CACNA1D: variants seen among roughly 807,000 people sequenced by gnomAD.
The protein encoded by CACNA1D is calcium voltage-gated channel subunit alpha1 D.
A neutral mutation model predicts 257.1 loss-of-function variants in CACNA1D; 55 were observed. The observed-to-expected ratio is 0.21, with a 90% CI of 0.17 to 0.27. CACNA1D has a LOEUF of 0.27. Ranked by LOEUF, CACNA1D falls within the 10% of genes least tolerant of loss-of-function variation. The pLI is 1.00. For missense variants in CACNA1D, 1,876 were observed against 2,784.0 expected (o/e 0.67, Z 7.34); for synonymous variants, 980 against 1,014.9 (o/e 0.97, Z 0.65).
At position 53,697,814 on chromosome 3, in the gene CACNA1D, G is replaced by A. The variant is rs145660787; in HGVS notation, c.1221-4827G>A. ...AGTAGGAGCTACTTCTCTAGCTCCT[G>A]TATCCTTATGACATATCTCCATAAT... On this transcript the variant is annotated intron_variant, in intron 8 of 47. Coordinates refer to ENST00000350061, the MANE Select transcript of CACNA1D (RefSeq NM_001128840.3). Among the ~76,000 whole-genome samples the A allele has an allele frequency of 1.2e-4, 19 of 152,306 alleles. No homozygotes were observed. In the East Asian group the frequency reaches 3.3e-3, roughly 26 times the overall value.
intron 3 of CACNA1D, among the ~76,000 whole-genome samples, chr3:53,607,349 G>A (rs2093524753): frequency 6.6e-6 from 1 of 152,174 alleles, no homozygotes. Context: ...TTTAAGATAG[G>A]AAAATTACCC....
chr3:53,573,340 C>T (rs767368331), intron 3 of CACNA1D, among the ~76,000 whole-genome samples: 3 of 152,230 alleles, frequency 2.0e-5, no homozygotes, highest in Non-Finnish European at 2.9e-5. Flanking sequence ...CACTCCTCCA[C>T]ACTTGTCTCC....
intron 2 of CACNA1D, among the ~76,000 whole-genome samples, chr3:53,499,518 G>A (rs80121202): frequency 0.047 from 7,092 of 152,114 alleles, 229 homozygotes; most frequent in South Asian, 0.094. Context: ...AGAAGGAATT[G>A]TTAGGATCAG....
intron 27 of CACNA1D, among the ~76,000 whole-genome samples, chr3:53,750,808 A>G (rs745556973): frequency 5.3e-5 from 8 of 152,308 alleles, no homozygotes; most frequent in Middle Eastern, 3.4e-3. Flanking sequence ...GCCTGCACCC[A>G]GAGTCAAAGC....
intron 3 of CACNA1D, among the ~76,000 whole-genome samples, chr3:53,537,745 C>A (rs1250066686): frequency 1.3e-5 from 2 of 152,166 alleles, no homozygotes; most frequent in Non-Finnish European, 2.9e-5. Context: ...CCTCTGTACA[C>A]ACTCTTTTAT....
At chr3:53,533,990 T>C (rs760288186) in intron 3 of CACNA1D, among the ~76,000 whole-genome samples, 2 of 152,130 alleles carry the variant, frequency 1.3e-5, no homozygotes, top group Non-Finnish European at 2.9e-5. Context: ...AAAAGACTCA[T>C]AGTAGTGGGT....
intron 7 of CACNA1D, among the ~76,000 whole-genome samples, chr3:53,672,231 C>T (rs2094329782): frequency 6.6e-6 from 1 of 152,200 alleles, no homozygotes; most frequent in Non-Finnish European, 1.5e-5. Context: ...GAGCCAGTCT[C>T]CCAGGGGGGT....
chr3:53,739,582 A>G (rs2680651), intron 20 of CACNA1D, among the ~76,000 whole-genome samples: 133,244 of 152,192 alleles, frequency 0.88, 58,494 homozygotes, highest in East Asian at 0.99. Context: ...TCAAAGACCA[A>G]GTCAGTCTGT....
Position 53,715,636 on chromosome 3 carries a change from A to G in CACNA1D, c.1391-2665A>G, listed in dbSNP as rs533652560. ...TGCCTCATCTCATTCTTACCCTTTT[A>G]CAGGTGAGGCAATGGAGATGTACAG... On this transcript the variant is annotated intron_variant, in intron 9 of 47. Transcript: ENST00000350061. 3.3e-5 allele frequency among the ~76,000 whole-genome samples: 5 copies of G among 152,230 alleles called. No individual in the cohort carries two copies. The South Asian group carries it at 1.0e-3, about 32-fold the overall frequency.
In CACNA1D at chr3:53,800,858, C is replaced by T. The variant is rs966988168; in HGVS notation, c.5041-200C>T. 12 of 627,836 alleles carry T rather than the reference C, an allele frequency of 1.9e-5. No homozygotes were observed. The highest frequency in any genetic ancestry group is 5.5e-5 in the East Asian group (2 of 36,482). 38.9% of individuals were successfully genotyped at this position (627,836 alleles called of 1,614,324 possible). ...CAGCTTGCTCCCCAGCTCAGGAAAT[C>T]GGTAACCTTCCTCATCTCGGGGGGA... is the stretch of plus-strand genomic sequence containing the variant. On this transcript the variant is annotated intron_variant, in intron 41 of 47. Transcript: ENST00000350061. The surrounding 1 kb of genome is among the most constrained non-coding windows in gnomAD (Gnocchi z 4.3).
At chr3:53,565,091 A>G (rs770077604) in intron 3 of CACNA1D, among the ~76,000 whole-genome samples, 81 of 152,324 alleles carry the variant, frequency 5.3e-4, no homozygotes, top group Non-Finnish European at 1.0e-3. Flanking sequence ...CCCCACCTCT[A>G]TAATACATGC....
In CACNA1D at chr3:53,762,052, A is replaced by G. The variant is rs2095306086; in HGVS notation, c.3841A>G (p.Ile1281Val). Residue 1281 changes from isoleucine (I) to valine (V), a missense_variant, in exon 30 of 48, where the codon ATT becomes GTT. Around this residue, in one of 10 missense-constraint regions of CACNA1D, gnomAD observed 204 missense variants for 309.4 expected, o/e 0.66. Transcript: ENST00000350061. ...TFDSLIVIGSIIDVALSEADP... is the reference protein window; with the variant it reads ...TFDSLIVIGSVIDVALSEADP... ...TGACTCCCTCATCGTAATCGGCAGCATTATAGACGTGGCCCTCAGCGAAGC... is the reference window on the plus strand; with the variant it reads ...TGACTCCCTCATCGTAATCGGCAGCGTTATAGACGTGGCCCTCAGCGAAGC... 2 of 1,613,656 alleles carry G rather than the reference A, an allele frequency of 1.2e-6. No individual in the cohort carries two copies. Among genetic ancestry groups the G allele is most frequent in the African/African-American group, 1.3e-5 (1 of 74,930 alleles).
intron 3 of CACNA1D, among the ~76,000 whole-genome samples, chr3:53,595,694 G>A (rs764224694): frequency 2.0e-5 from 3 of 152,066 alleles, no homozygotes; most frequent in Non-Finnish European, 2.9e-5. Flanking sequence ...GACCTAACTC[G>A]GTTTGTCTAG....
At chr3:53,733,952 GTATGTA>G (rs753961129) in intron 19 of CACNA1D, among the ~76,000 whole-genome samples, 9 of 80,386 alleles carry the variant, frequency 1.1e-4, no homozygotes, top group African/African-American at 1.8e-4. Flanking sequence ...GTGTGTGTGT[GTATGTA>G]TGTATGTATG....
chr3:53,751,667 C>T lies in CACNA1D; in HGVS notation c.3517-82C>T. 1 of 1,422,812 alleles carries T rather than the reference C, an allele frequency of 7.0e-7. No homozygotes were observed. The highest frequency in any genetic ancestry group is 9.9e-7 in the Non-Finnish European group (1 of 1,007,134). The allele number at this position is 1,422,812 out of a possible 1,614,324, so 88.1% of individuals were successfully genotyped here. ...CCCTTCCCGGGAGCTGTAGGGTGAGCTCTTTCAGAGCAGATGACCACGGGG... is the reference window on the plus strand; with the variant it reads ...CCCTTCCCGGGAGCTGTAGGGTGAGTTCTTTCAGAGCAGATGACCACGGGG... On this transcript the variant is annotated intron_variant, in intron 27 of 47. Coordinates refer to ENST00000350061, the MANE Select transcript of CACNA1D (RefSeq NM_001128840.3). The surrounding 1 kb of genome is among the most constrained non-coding windows in gnomAD (Gnocchi z 4.3).
At chr3:53,555,994 A>G (rs192013775) in intron 3 of CACNA1D, among the ~76,000 whole-genome samples, 1 of 152,226 alleles carries the variant, frequency 6.6e-6, no homozygotes, top group African/African-American at 2.4e-5. Context: ...CCTTTACCCC[A>G]GCCCATGGCA....
intron 5 of CACNA1D, among the ~76,000 whole-genome samples, chr3:53,662,093 G>A (rs1354336743): frequency 1.3e-5 from 2 of 152,224 alleles, no homozygotes; most frequent in African/African-American, 4.8e-5. Flanking sequence ...AGTACTTGAA[G>A]TTGTTAAAAA....
chr3:53,629,243 G>A (rs866234410), intron 3 of CACNA1D, among the ~76,000 whole-genome samples: 4 of 152,246 alleles, frequency 2.6e-5, no homozygotes, highest in Non-Finnish European at 4.4e-5. Flanking sequence ...AGTTGTCACC[G>A]ATGGTTGAAT....
At chr3:53,687,242 A>C (rs1260635805) in intron 8 of CACNA1D, among the ~76,000 whole-genome samples, 1 of 152,120 alleles carries the variant, frequency 6.6e-6, no homozygotes, top group African/African-American at 2.4e-5. Flanking sequence ...ATAAATCTCA[A>C]TAGCCTTTCT....
Sources: allele counts gnomAD v4.1 joint callset (sites outside exome capture counted in the v4.1 genomes callset), GRCh38; gene constraint gnomAD v4.1.1; regional missense constraint gnomAD v4.1.1; non-coding constraint Gnocchi (gnomAD v3.1); transcripts MANE v1.5; gene names NCBI Gene and HGNC (gene_info 2026-07-23, HGNC 2026-07-21).